PCDHA1: variants seen among roughly 807,000 people sequenced by gnomAD.
The protein encoded by PCDHA1 is protocadherin alpha-1.
A neutral mutation model predicts 61.3 loss-of-function variants in PCDHA1; 42 were observed. The observed-to-expected ratio is 0.69, with a 90% CI of 0.54 to 0.89. The LOEUF is 0.89. Among genes scored for constraint, PCDHA1 ranks in the 40% least tolerant of loss-of-function variants. The probability of loss-of-function intolerance (pLI) is 0.00; values close to 1 mark genes in which losing one functional copy is unlikely to be tolerated. For missense variants in PCDHA1, 1,256 were observed against 1,235.3 expected, an observed-to-expected ratio of 1.02 and a Z score of -0.25; for synonymous variants, 610 against 553.8, an observed-to-expected ratio of 1.10 and a Z score of -1.43.
chr5:140,791,197 G>A (rs1761630386), intron 1 of PCDHA1, among the ~76,000 whole-genome samples: 1 of 152,226 alleles, frequency 6.6e-6, no homozygotes, highest in Non-Finnish European at 1.5e-5. Flanking sequence ...GAGAATGCTG[G>A]AGGATTTCAC....
intron 1 of PCDHA1, chr5:140,801,402 A>C (rs985372322): frequency 6.2e-7 from 1 of 1,613,722 alleles, no homozygotes. Context: ...GGTGGCGTCC[A>C]AAAGACACGG....
intron 1 of PCDHA1, among the ~76,000 whole-genome samples, chr5:140,818,664 C>T (rs1554127546): frequency 6.6e-6 from 1 of 152,120 alleles, no homozygotes; most frequent in Non-Finnish European, 1.5e-5. Context: ...TAGGGAGACT[C>T]CATCTTTACA....
rs1215041869 is a variant in PCDHA1, at chr5:141,010,411, G to T, written c.*474G>T. ...TGAGACGAGCCAGCTTAGACTAATT[G>T]GTACAAGGAAGGCAAGAAAACAAAG... On this transcript the variant is annotated 3_prime_UTR_variant, in exon 4 of 4. Transcript: ENST00000504120. 4.1e-6 allele frequency: 5 copies of T among 1,224,236 alleles called. No individual in the cohort carries two copies. The highest frequency in any genetic ancestry group is 4.4e-6 in the Non-Finnish European group (4 of 905,798). The allele number at this position is 1,224,236 out of a possible 1,614,324, so 75.8% of individuals were successfully genotyped here. A position where few individuals can be genotyped will look rare whatever the true frequency, so the allele number is the denominator to read the frequency against.
intron 3 of PCDHA1, among the ~76,000 whole-genome samples, chr5:140,998,792 G>A (rs747824792): frequency 6.6e-6 from 1 of 152,156 alleles, no homozygotes; most frequent in Non-Finnish European, 1.5e-5. Flanking sequence ...TGGAACCCCT[G>A]ACCTCAGGTG....
intron 1 of PCDHA1, chr5:140,857,395 C>T (rs1554149953): frequency 6.3e-7 from 1 of 1,598,586 alleles, no homozygotes; most frequent in South Asian, 1.1e-5. Context: ...ACGTGAACGA[C>T]AACGCGCCTG....
Position 140,822,323 on chromosome 5 carries a change from C to T in PCDHA1, c.2394+33639C>T, listed in dbSNP as rs2150115506. On this transcript the variant is annotated intron_variant, in intron 1 of 3. Transcript: ENST00000504120. ...GAATATTTTGACTTAGATGTTAAAACAAATGAAGAAGAAACGAACTTTTTA... is the reference window on the plus strand; with the variant it reads ...GAATATTTTGACTTAGATGTTAAAATAAATGAAGAAGAAACGAACTTTTTA... 2.5e-6 allele frequency: 4 copies of T among 1,613,964 alleles called. No individual in the cohort carries two copies. The African/African-American group carries it at 5.3e-5, about 22-fold the overall frequency.
chr5:140,808,693 C>A, intron 1 of PCDHA1: 1 of 1,612,144 alleles, frequency 6.2e-7, no homozygotes, highest in Non-Finnish European at 8.5e-7. Flanking sequence ...TAGGGGAGCG[C>A]GCGCTGTCGA....
chr5:140,792,957 A>ATT (rs1761740934), intron 1 of PCDHA1, among the ~76,000 whole-genome samples: 1 of 152,302 alleles, frequency 6.6e-6, no homozygotes, highest in Non-Finnish European at 1.5e-5. Flanking sequence ...AGTTCACATA[A>ATT]TTTAGGTGGA....
intron 1 of PCDHA1, among the ~76,000 whole-genome samples, chr5:140,933,853 A>G (rs192647657): frequency 6.6e-6 from 1 of 151,684 alleles, no homozygotes; most frequent in Non-Finnish European, 1.5e-5. Flanking sequence ...TGTACCTTTA[A>G]TTTTTTCAGA....
At position 140,788,583 on chromosome 5, in the gene PCDHA1, C is replaced by T; in HGVS notation, c.2293C>T (p.Pro765Ser). ...GAGGGTGTGCTCTAGCGAGGGCCCA[C>T]CCAAGACCGACCTCATGGCCTTCAG... ...RQRVCSSEGP[P>S]KTDLMAFSPG... Residue 765 changes from proline to serine, a missense_variant, in exon 1 of 4, where the codon CCC (proline) becomes TCC (serine). Coordinates refer to ENST00000504120, the MANE Select transcript of PCDHA1 (RefSeq NM_018900.4). 2.5e-6 allele frequency: 4 copies of T among 1,614,172 alleles called. No homozygotes were observed. Among genetic ancestry groups the T allele is most frequent in the Non-Finnish European group, 3.4e-6 (4 of 1,180,012 alleles).
At chr5:140,866,161 G>A (rs782713244) in intron 1 of PCDHA1, 17 of 152,170 alleles carry the variant, frequency 1.1e-4, no homozygotes, top group East Asian at 1.9e-4. Context: ...AGTAAGAATC[G>A]TTTAACATGT....
chr5:140,851,530 A>G (rs2042087003), intron 1 of PCDHA1: 6 of 902,946 alleles, frequency 6.6e-6, no homozygotes, highest in Non-Finnish European at 8.1e-6. Context: ...ATGCCTGACA[A>G]TGTAGATAAT....
At position 140,969,430 on chromosome 5, in the gene PCDHA1, A is replaced by T. The variant is rs1554231789; in HGVS notation, c.2395-9519A>T. 4 of 1,554,706 alleles carry T rather than the reference A, an allele frequency of 2.6e-6. No homozygotes were observed. The Admixed American group carries it at 7.8e-5, about 30-fold the overall frequency. ...CTTTATTGAGTCATTAACAGTGACA[A>T]GAGTTATCTGGTAAACTGAGTATAT... On this transcript the variant is annotated intron_variant, in intron 1 of 3. Transcript: ENST00000504120.
intron 1 of PCDHA1, chr5:140,869,034 T>C (rs1441426453): frequency 5.2e-6 from 8 of 1,527,468 alleles, no homozygotes. Flanking sequence ...ACGAGATTTT[T>C]AACCTGAAAC....
At chr5:140,876,524 T>A in intron 1 of PCDHA1, 1 of 1,614,136 alleles carries the variant, frequency 6.2e-7, no homozygotes, top group Non-Finnish European at 8.5e-7. Flanking sequence ...CCTGAAGTAA[T>A]GGTTACTTCA....
intron 1 of PCDHA1, chr5:140,850,445 G>A: frequency 6.3e-7 from 1 of 1,597,998 alleles, no homozygotes; most frequent in Non-Finnish European, 8.6e-7. Context: ...TACTGGTGCT[G>A]GTGAAAGACC....
At chr5:140,930,258 ATTTCT>A (rs1398620749) in intron 1 of PCDHA1, 6 of 152,342 alleles carry the variant, frequency 3.9e-5, no homozygotes, top group African/African-American at 1.4e-4. Flanking sequence ...CTTGGATTTA[ATTTCT>A]TTTATTTTAG....
At chr5:140,842,412 A>T in intron 1 of PCDHA1, 1 of 1,613,004 alleles carries the variant, frequency 6.2e-7, no homozygotes, top group East Asian at 2.2e-5. Context: ...GAAGACGCTC[A>T]ATTTGGTACT....
intron 1 of PCDHA1, chr5:140,828,744 G>C: frequency 6.2e-7 from 1 of 1,614,228 alleles, no homozygotes; most frequent in Non-Finnish European, 8.5e-7. Flanking sequence ...ACAGATGGGG[G>C]CAAACCTGAG....
Sources: allele counts gnomAD v4.1 joint callset (sites outside exome capture counted in the v4.1 genomes callset), GRCh38; gene constraint gnomAD v4.1.1; transcripts MANE v1.5; gene names NCBI Gene and HGNC (gene_info 2026-07-23, HGNC 2026-07-21).